The following AFF2 variants were observed in gnomAD, a reference collection of about 807,000 sequenced individuals.
The protein encoded by AFF2 is ALF transcription elongation factor 2, also known as AF4/FMR2 family member 2.
Under a neutral mutation model 76.9 loss-of-function variants are expected in AFF2, and 14 were observed. The observed-to-expected ratio is 0.18, with a 90% confidence interval of 0.12 to 0.28. The LOEUF is 0.28. AFF2 is among the 10% of genes least tolerant of loss of function. The pLI is 1.00. For missense variants in AFF2, 868 were observed against 1,001.1 expected (o/e 0.87, Z 1.79); for synonymous variants, 398 against 366.7 (o/e 1.09, Z -0.98).
At chrX:148,910,726 A>G (rs2071459151) in intron 9 of AFF2, among the ~76,000 whole-genome samples, 1 of 111,965 alleles carries the variant, frequency 8.9e-6, no homozygotes, top group African/African-American at 3.3e-5. Flanking sequence ...CTGAGTAGAA[A>G]TGGTAGCTTA....
chrX:148,628,602 G>A (rs2053951329), intron 1 of AFF2, among the ~76,000 whole-genome samples: 1 of 111,215 alleles, frequency 9.0e-6, no homozygotes, highest in South Asian at 3.7e-4. Flanking sequence ...GATTTATTGG[G>A]CTATGAATGC....
chrX:148,511,285 C>G (rs1220396924), intron 1 of AFF2, among the ~76,000 whole-genome samples: 1 of 111,139 alleles, frequency 9.0e-6, no homozygotes, highest in Non-Finnish European at 1.9e-5. Context: ...TGTTACCATC[C>G]CTGAATTGTA....
rs201228384 is a variant in AFF2 at position 148,761,458 on chromosome X, GT to G, written c.1042-48410del. Among the ~76,000 whole-genome samples the G allele has an allele frequency of 9.8e-3, 821 of 83,720 alleles. 15 individuals carry two copies. Among genetic ancestry groups the G allele is most frequent in the African/African-American group, 0.047 (778 of 16,473 alleles). 72.7% of individuals were successfully genotyped at this position (83,720 alleles called of 115,157 possible). On this transcript the variant is annotated intron_variant, in intron 3 of 20. Coordinates refer to ENST00000370460, the MANE Select transcript of AFF2 (RefSeq NM_002025.4). ...TGGCATATCACTCAACTGTCCTCCA[GT>G]TTTTTTTGTTTTTTTTTTTTTTTCA...
At chrX:148,524,906 C>T (rs1434009479) in intron 1 of AFF2, among the ~76,000 whole-genome samples, 1 of 111,579 alleles carries the variant, frequency 9.0e-6, no homozygotes, top group Non-Finnish European at 1.9e-5. Context: ...GTTGTGGGCA[C>T]CTCTCCCTTT....
chrX:148,622,582 G>C (rs1418551151), intron 1 of AFF2, among the ~76,000 whole-genome samples: 1 of 111,559 alleles, frequency 9.0e-6, no homozygotes, highest in African/African-American at 3.3e-5. Context: ...CCATAGCCTG[G>C]CCAACTTGAT....
intron 7 of AFF2, among the ~76,000 whole-genome samples, chrX:148,859,593 CAATGA>C (rs1182238182): frequency 9.2e-6 from 1 of 108,979 alleles, no homozygotes; most frequent in African/African-American, 3.3e-5. Flanking sequence ...TTCCTACATA[CAATGA>C]AATGAAAGTT....
chrX:148,570,520 G>A (rs2053217381), intron 1 of AFF2, among the ~76,000 whole-genome samples: 2 of 111,614 alleles, frequency 1.8e-5, no homozygotes, highest in African/African-American at 6.5e-5. Flanking sequence ...TGATGATCTG[G>A]GCATGCAGAT....
At chrX:148,704,354 A>ATATACATGTGTATATATATATT (rs2054846158) in intron 3 of AFF2, among the ~76,000 whole-genome samples, 1 of 12,255 alleles carries the variant, frequency 8.2e-5, no homozygotes, top group African/African-American at 4.1e-4. Context: ...ATATATATTT[A>ATATACATGTGTATATATATATT]TATATATATG....
At chrX:148,569,389 T>G (rs1406038933) in intron 1 of AFF2, among the ~76,000 whole-genome samples, 2 of 111,592 alleles carry the variant, frequency 1.8e-5, no homozygotes, top group Non-Finnish European at 3.8e-5. Flanking sequence ...TTCTTTGCTA[T>G]TCAATGAGAA....
At chrX:148,941,425 C>A (rs1407417076) in intron 9 of AFF2, among the ~76,000 whole-genome samples, 1 of 111,697 alleles carries the variant, frequency 9.0e-6, no homozygotes, top group Non-Finnish European at 1.9e-5. Flanking sequence ...GCTGGGTTGG[C>A]TAATGTATCA....
intron 3 of AFF2, among the ~76,000 whole-genome samples, chrX:148,718,140 A>G (rs2055048847): frequency 1.8e-5 from 2 of 111,031 alleles, no homozygotes; most frequent in Non-Finnish European, 3.8e-5. Context: ...AACAATTTAA[A>G]GGGATATTAT....
chrX:148,914,478 G>T (rs1417378396), intron 9 of AFF2, among the ~76,000 whole-genome samples: 1 of 112,048 alleles, frequency 8.9e-6, no homozygotes, highest in Admixed American at 9.4e-5. Flanking sequence ...CAAAATGCTG[G>T]AAAGGATTCT....
At chrX:148,820,259 A>G (rs782636300) in intron 4 of AFF2, among the ~76,000 whole-genome samples, 149 of 111,750 alleles carry the variant, frequency 1.3e-3, no homozygotes, top group African/African-American at 4.5e-3. Flanking sequence ...GATGTGGTCA[A>G]TGTGCCTCTC....
At chrX:148,605,122 C>T (rs2053661056) in intron 1 of AFF2, among the ~76,000 whole-genome samples, 1 of 111,231 alleles carries the variant, frequency 9.0e-6, no homozygotes, top group Admixed American at 9.6e-5. Flanking sequence ...AGATCAATAT[C>T]CATGAAAGGC....
Position 148,966,846 on chromosome X carries a change from T to C in AFF2, c.2970T>C (p.Ala990=). ...SSATITVTNT[A]IATATVTATA... ...CCACCATCACTGTCACCAATACTGCTATTGCCACTGCTACTGTCACTGCTA... is the reference window on the plus strand; with the variant it reads ...CCACCATCACTGTCACCAATACTGCCATTGCCACTGCTACTGTCACTGCTA... The change falls in exon 14 of 21, where the codon GCT becomes GCC. Residue 990 remains alanine (A), a synonymous_variant. Transcript: ENST00000370460. 1 of 1,211,304 alleles carries C rather than the reference T, an allele frequency of 8.3e-7. No individual in the cohort carries two copies. Among genetic ancestry groups the C allele is most frequent in the Non-Finnish European group, 1.1e-6 (1 of 895,486 alleles).
At position 148,966,793 on chromosome X, in the gene AFF2, G is replaced by A. The variant is rs1557288759; in HGVS notation, c.2917G>A (p.Gly973Arg). The A allele has an allele frequency of 3.3e-6, 4 of 1,206,939 alleles. No individual in the cohort carries two copies. Among genetic ancestry groups the A allele is most frequent in the Non-Finnish European group, 3.4e-6 (3 of 894,012 alleles). Residue 973 changes from glycine to arginine, a missense_variant, in exon 14 of 21, where the codon GGA (glycine) becomes AGA (arginine). Gly to Arg is a moderately radical substitution (Grantham distance 125). Transcript: ENST00000370460. ...ATFKGISVNEGDTPKKASSAT... is the reference protein window; with the variant it reads ...ATFKGISVNERDTPKKASSAT... The stretch of plus-strand genomic sequence containing the variant: ...TATTTGTCCTCCTTTTTCCCAGGAG[G>A]GAGACACTCCAAAAAAGGCATCCTC...
At chrX:148,605,915 G>A (rs1269021234) in intron 1 of AFF2, among the ~76,000 whole-genome samples, 1 of 111,735 alleles carries the variant, frequency 8.9e-6, no homozygotes, top group African/African-American at 3.2e-5. Context: ...CAAAATCTAT[G>A]GATGAATATT....
intron 3 of AFF2, among the ~76,000 whole-genome samples, chrX:148,726,393 C>T (rs782633735): frequency 6.3e-5 from 7 of 111,581 alleles, no homozygotes; most frequent in African/African-American, 2.0e-4. Flanking sequence ...AGTCTTGTCA[C>T]GGAGGGGAAA....
intron 3 of AFF2, among the ~76,000 whole-genome samples, chrX:148,802,170 A>T (rs1557270985): frequency 8.9e-6 from 1 of 112,484 alleles, no homozygotes; most frequent in Non-Finnish European, 1.9e-5. Flanking sequence ...ATATAGCAAA[A>T]TACATAAAAT....
Sources: allele counts gnomAD v4.1 joint callset (sites outside exome capture counted in the v4.1 genomes callset), GRCh38; gene constraint gnomAD v4.1.1; transcripts MANE v1.5; gene names NCBI Gene and HGNC (gene_info 2026-07-23, HGNC 2026-07-21).